The following NEB variants were observed in gnomAD, a reference collection of about 807,000 sequenced individuals.
NEB encodes nebulin.
Under a neutral mutation model 952.2 loss-of-function variants are expected in NEB, and 512 were observed. That is an observed-to-expected ratio of 0.54 (90% CI 0.50 to 0.58). The LOEUF (loss-of-function observed/expected upper bound fraction) is 0.58. Ranked by LOEUF, NEB falls within the 20% of genes least tolerant of loss-of-function variation. The pLI is 0.00. For missense variants in NEB, 8,428 were observed against 9,231.1 expected (o/e 0.91, Z 3.56); for synonymous variants, 2,900 against 3,149.8 (o/e 0.92, Z 2.66).
chr2:151,664,927 A>C (rs1414155263), intron 42 of NEB, 64 bp from the exon 43 acceptor site: 2 of 1,191,442 alleles, frequency 1.7e-6, no homozygotes, highest in African/African-American at 1.5e-5. Context: ...TGCTAGCAAG[A>C]GGAAGAGATT....
intron 145 of NEB, 126 bp downstream of exon 145, chr2:151,530,868 A>G (rs1385214178): frequency 4.8e-6 from 3 of 628,252 alleles, no homozygotes; most frequent in East Asian, 2.8e-5. Context: ...AGAGATGACT[A>G]TTATTTTAAG....
At chr2:151,618,179 T>C in intron 74 of NEB, 96 bp downstream of exon 74, 1 of 1,107,284 alleles carries the variant, frequency 9.0e-7, no homozygotes, top group Non-Finnish European at 1.4e-6. Flanking sequence ...GGTATCATAA[T>C]GCTTATTATT....
At chr2:151,529,414 A>C in intron 145 of NEB, 100 bp from the exon 146 acceptor site, 3 of 772,864 alleles carry the variant, frequency 3.9e-6, no homozygotes, top group Non-Finnish European at 6.7e-6. Flanking sequence ...TATAGTACAC[A>C]ATGCTCCTTA....
rs772151546 is a variant in NEB at position 151,694,407 on chromosome 2, G to T, written c.1812C>A (p.Asn604Lys). The change falls in exon 20 of 182, where the codon AAC (asparagine) becomes AAA (lysine). Residue 604 changes from asparagine (N) to lysine (K), a missense_variant. Physicochemically the swap from Asn to Lys is moderately conservative, Grantham distance 94. Around this residue, in one of 11 missense-constraint regions of NEB, gnomAD observed 2,851 missense variants for 2,791.5 expected, o/e 1.02. Coordinates refer to ENST00000397345, the MANE Select transcript of NEB (RefSeq NM_001164508.2). The stretch of plus-strand genomic sequence containing the variant: ...TGAGGACTCCAATCATTTTCCCTTT[G>T]TTTTTTTCATAGTCTTTCTTGTACA... The part of the protein sequence containing the change: ...DVMYKKDYEK[N>K]KGKMIGVLSI... 1 of 1,613,814 alleles carries T rather than the reference G, an allele frequency of 6.2e-7. No homozygotes were observed. The highest frequency in any genetic ancestry group is 1.1e-5 in the South Asian group (1 of 91,066).
At chr2:151,496,493 T>C in intron 172 of NEB, 125 bp from the exon 173 acceptor site, 1 of 1,453,624 alleles carries the variant, frequency 6.9e-7, no homozygotes, top group South Asian at 1.4e-5. Flanking sequence ...AGAAGTTATA[T>C]GCTGACAAAA....
At chr2:151,719,300 T>C (rs537921520) in intron 9 of NEB, among the ~76,000 whole-genome samples, 32 of 152,318 alleles carry the variant, frequency 2.1e-4, no homozygotes, top group South Asian at 2.1e-3. Flanking sequence ...TGGGGGAATG[T>C]CTCAAGAGGA....
rs917170988 is a variant in NEB, at chr2:151,638,825, G to A, written c.8994+455C>T. Among the ~76,000 whole-genome samples, 869 of 152,192 alleles carry A rather than the reference G, an allele frequency of 5.7e-3. 14 individuals carry two copies. Among genetic ancestry groups the A allele is most frequent in the African/African-American group, 0.02 (832 of 41,516 alleles). On this transcript the variant is annotated intron_variant, in intron 63 of 181. Transcript: ENST00000397345. ...TCTCTCTCTGTGTGTGTGTGTGTGT[G>A]TGTGTGTGTGTGTGGGTTACCTGGT... is the stretch of plus-strand genomic sequence containing the variant.
At chr2:151,493,473 A>G in intron 175 of NEB, 28 bp from the exon 176 acceptor site, 2 of 1,459,306 alleles carry the variant, frequency 1.4e-6, no homozygotes, top group Non-Finnish European at 1.9e-6. Context: ...GCATCTAGGC[A>G]TCAGACAGCA....
At chr2:151,537,056 A>G in intron 141 of NEB, 76 bp downstream of exon 141, 1 of 855,162 alleles carries the variant, frequency 1.2e-6, no homozygotes, top group Non-Finnish European at 1.9e-6. Context: ...ATGAAAGACT[A>G]TTTCTCAGTG....
intron 125 of NEB, among the ~76,000 whole-genome samples, chr2:151,554,243 T>G (rs2095500159): frequency 6.6e-6 from 1 of 152,138 alleles, no homozygotes; most frequent in African/African-American, 2.4e-5. Context: ...ATGTGCACAG[T>G]CAGTGTCATA....
chr2:151,648,248 C>T lies in NEB; in HGVS notation c.7431+1928G>A, dbSNP rs192110787. Among the ~76,000 whole-genome samples, 573 of 152,138 alleles carry T rather than the reference C, an allele frequency of 3.8e-3. 3 individuals are homozygous for T. The highest frequency in any genetic ancestry group is 0.013 in the African/African-American group (547 of 41,508). On this transcript the variant is annotated intron_variant, in intron 54 of 181. Transcript: ENST00000397345. Reference sequence around the variant, plus strand: ...TGATTCCTTAAACTTGTCCATTTCCCTTTGAGGTATGCAGCATGAGATGTG... The same window carrying T: ...TGATTCCTTAAACTTGTCCATTTCCTTTTGAGGTATGCAGCATGAGATGTG...
rs1553905612 is a variant in NEB, at chr2:151,617,487, A to AAAAAG, written c.11077-20_11077-19insCTTTT. The AAAAAG allele has an allele frequency of 1.9e-6, 2 of 1,034,732 alleles. No individual in the cohort carries two copies. Among genetic ancestry groups the AAAAAG allele is most frequent in the East Asian group, 2.9e-5 (1 of 34,484 alleles). The allele number at this position is 1,034,732 out of a possible 1,614,324, so 64.1% of individuals were successfully genotyped here. On this transcript the variant is annotated intron_variant, in intron 74 of 181. Transcript: ENST00000397345. ...ATAAGCGCTACAAAAAAAAAAAAAA[A>AAAAAG]AGAGAGAGAGAGAGAGAAAAATTAT...
At chr2:151,689,197 CTTTTTTTTTTTTTT>C (rs11305294) in intron 24 of NEB, 2 of 57,892 alleles carry the variant, frequency 3.5e-5, no homozygotes. Flanking sequence ...GATATATACT[CTTTTTTTTTTTTTT>C]TTTTTTTTTT....
chr2:151,516,373 G>A, intron 157 of NEB, 86 bp downstream of exon 157: 1 of 838,504 alleles, frequency 1.2e-6, no homozygotes, highest in Admixed American at 2.6e-5. Flanking sequence ...ACTTTTGGAT[G>A]ACAGGAAACT....
At chr2:151,577,487 A>G (rs1467706111) in intron 105 of NEB, among the ~76,000 whole-genome samples, 1 of 152,108 alleles carries the variant, frequency 6.6e-6, no homozygotes, top group Non-Finnish European at 1.5e-5. Flanking sequence ...TCTTCATAGC[A>G]CCATGGATCA....
rs886042764 is a variant in NEB, at chr2:151,644,026, A to G, written c.7748T>C (p.Ile2583Thr). The G allele has an allele frequency of 6.2e-7, 1 of 1,613,888 alleles. No individual in the cohort carries two copies. ...CTTCTTGTACTCCCTGTCACTCTGGATCTTGGCCACATGCATGGACCACAT... is the reference window on the plus strand; with the variant it reads ...CTTCTTGTACTCCCTGTCACTCTGGGTCTTGGCCACATGCATGGACCACAT... ...KMMWSMHVAK[I>T]QSDREYKKDF... The change falls in exon 57 of 182, where the codon ATC becomes ACC. Residue 2583 changes from isoleucine to threonine, a missense_variant. Around this residue, in one of 11 missense-constraint regions of NEB, gnomAD observed 1,772 missense variants for 1,960.3 expected, o/e 0.90. Coordinates refer to ENST00000397345, the MANE Select transcript of NEB (RefSeq NM_001164508.2).
intron 107 of NEB, among the ~76,000 whole-genome samples, chr2:151,572,981 A>G (rs1334929509): frequency 6.6e-6 from 1 of 152,190 alleles, no homozygotes; most frequent in Non-Finnish European, 1.5e-5. Flanking sequence ...ACCATCTGAT[A>G]AAAACAAAAT....
Position 151,644,080 on chromosome 2 carries a change from G to T in NEB, c.7694C>A (p.Ala2565Asp). 6.2e-7 allele frequency: 1 copy of T among 1,613,938 alleles called. No individual in the cohort carries two copies. Among genetic ancestry groups the T allele is most frequent in the African/African-American group, 1.3e-5 (1 of 75,008 alleles). Residue 2565 changes from alanine (A) to aspartate (D), a missense_variant, in exon 57 of 182, where the codon GCC becomes GAC. Around this residue, in one of 11 missense-constraint regions of NEB, gnomAD observed 1,772 missense variants for 1,960.3 expected, o/e 0.90. Transcript: ENST00000397345. ...FRKQLGHHIGARNIEDDPKMM... is the reference protein window; with the variant it reads ...FRKQLGHHIGDRNIEDDPKMM... ...CTTGGGGTCATCTTCAATGTTCCGG[G>T]CACCAATGTGGTGGCCGAGCTGCTT...
intron 129 of NEB, 124 bp from the exon 130 acceptor site, chr2:151,549,864 G>A: frequency 3.2e-6 from 2 of 622,800 alleles, no homozygotes; most frequent in East Asian, 2.8e-5. Flanking sequence ...TATGCTCACT[G>A]AATTGATTTC....
Sources: gnomAD v4.1 joint callset for allele counts (sites outside exome capture counted in the v4.1 genomes callset) on GRCh38, gnomAD v4.1.1 for gene constraint, gnomAD v4.1.1 regional missense constraint, MANE v1.5 for transcripts, NCBI Gene and HGNC (gene_info 2026-07-23, HGNC 2026-07-21) for gene names.